The following SORBS2 variants were observed in gnomAD, a reference collection of about 807,000 sequenced individuals.
SORBS2 encodes sorbin and SH3 domain containing 2, also known as sorbin and SH3 domain-containing protein 2.
SORBS2 carries 46 observed loss-of-function variants against 97.7 expected under a neutral mutation model. The observed-to-expected ratio is 0.47, with a 90% CI of 0.37 to 0.60. The LOEUF (loss-of-function observed/expected upper bound fraction) is 0.60. Ranked by LOEUF, SORBS2 falls within the 20% of genes least tolerant of loss-of-function variation. The pLI, the probability that SORBS2 is intolerant of heterozygous loss-of-function variation, is 0.00. For synonymous variants in SORBS2, 476 were observed against 473.4 expected (o/e 1.01, Z -0.07); for missense variants, 1,316 against 1,282.3 (o/e 1.03, Z -0.40).
At chr4:185,720,266 T>C (rs2098501870) in intron 2 of SORBS2, among the ~76,000 whole-genome samples, 1 of 152,242 alleles carries the variant, frequency 6.6e-6, no homozygotes. Context: ...TTTGAATCTC[T>C]GTAACGGCAG....
intron 1 of SORBS2, among the ~76,000 whole-genome samples, chr4:185,930,410 T>C (rs1319362156): frequency 4.6e-5 from 7 of 152,106 alleles, no homozygotes; most frequent in Admixed American, 4.6e-4. Flanking sequence ...TTCTCCTGCC[T>C]CAGCCTCCCG....
chr4:185,927,584 T>C (rs1469399253), intron 1 of SORBS2, among the ~76,000 whole-genome samples: 2 of 152,188 alleles, frequency 1.3e-5, no homozygotes, highest in African/African-American at 4.8e-5. Context: ...ACTCAGTTCT[T>C]AACCAAAGGC....
In SORBS2 at chr4:185,915,274, A is replaced by G. The variant is rs541242383; in HGVS notation, c.-338+40922T>C. On this transcript the variant is annotated intron_variant, in intron 1 of 20. Coordinates refer to the SORBS2 transcript ENST00000284776. ...TTTTGAAGCAACTTTTACTGTCCTC[A>G]GTTTTATCTCATAGAAGCCTCCCTC... Among the ~76,000 whole-genome samples the G allele has an allele frequency of 2.0e-5, 3 of 152,336 alleles. No individual in the cohort carries two copies. The East Asian group carries it at 5.8e-4, about 29-fold the overall frequency.
Position 185,704,697 on chromosome 4 carries a change from CTCCCTCA to C in SORBS2, c.-197-25882_-197-25876del, listed in dbSNP as rs1356829565. Among the ~76,000 whole-genome samples the C allele has an allele frequency of 1.5e-3, 233 of 152,218 alleles. 2 individuals are homozygous for C. Among genetic ancestry groups the C allele is most frequent in the African/African-American group, 5.4e-3 (222 of 41,478 alleles). Reference sequence around the variant, plus strand: ...CCACAAATTACCCTGGATGTTCCCTCTCCCTCAACTCTCCATGTTTTGAGAAATAAGA... The same window carrying C: ...CCACAAATTACCCTGGATGTTCCCTCACTCTCCATGTTTTGAGAAATAAGA... On this transcript the variant is annotated intron_variant, in intron 2 of 20. Coordinates refer to the SORBS2 transcript ENST00000284776.
At chr4:185,914,787 G>A (rs1217454452) in intron 1 of SORBS2, among the ~76,000 whole-genome samples, 7 of 152,194 alleles carry the variant, frequency 4.6e-5, no homozygotes, top group Admixed American at 4.6e-4. Context: ...CCCTCTTCCT[G>A]TCTCGGCATC....
At chr4:185,952,811 T>C (rs1458393805) in intron 1 of SORBS2, among the ~76,000 whole-genome samples, 1 of 152,174 alleles carries the variant, frequency 6.6e-6, no homozygotes, top group Non-Finnish European at 1.5e-5. Flanking sequence ...TCCTCTAGTT[T>C]ATTCCCCTTC....
At chr4:185,743,202 C>T (rs2098738152) in intron 2 of SORBS2, among the ~76,000 whole-genome samples, 1 of 152,022 alleles carries the variant, frequency 6.6e-6, no homozygotes, top group Non-Finnish European at 1.5e-5. Flanking sequence ...TTCGTGGCAT[C>T]CTAGTGAGGC....
chr4:185,841,670 C>T (rs2153677751), intron 1 of SORBS2, among the ~76,000 whole-genome samples: 1 of 152,326 alleles, frequency 6.6e-6, no homozygotes, highest in East Asian at 1.9e-4. Context: ...GCACAATCTC[C>T]TGAGAATCTC....
At chr4:185,635,101 C>A (rs1288567272) in intron 4 of SORBS2, among the ~76,000 whole-genome samples, 1 of 152,076 alleles carries the variant, frequency 6.6e-6, no homozygotes, top group Non-Finnish European at 1.5e-5. Flanking sequence ...CTGCTGAATA[C>A]CAGAACTACA....
intron 1 of SORBS2, among the ~76,000 whole-genome samples, chr4:185,893,992 T>G (rs1227459202): frequency 6.6e-6 from 1 of 152,100 alleles, no homozygotes; most frequent in African/African-American, 2.4e-5. Context: ...GCATGGTCTG[T>G]CTACCTCCCG....
At position 185,880,738 on chromosome 4, in the gene SORBS2, A is replaced by C. The variant is rs150559748; in HGVS notation, c.-338+75458T>G. ...CTTTCCTCTCCTGCCAGGCTTTCAAAGTACGGAAAAGCAAACAGAACAGAA... is the reference window on the plus strand; with the variant it reads ...CTTTCCTCTCCTGCCAGGCTTTCAACGTACGGAAAAGCAAACAGAACAGAA... On this transcript the variant is annotated intron_variant, in intron 1 of 20. Transcript: ENST00000284776. 1.3e-3 allele frequency among the ~76,000 whole-genome samples: 199 copies of C among 152,360 alleles called. 2 individuals are homozygous for C. The highest frequency in any genetic ancestry group is 4.4e-3 in the African/African-American group (185 of 41,580).
At chr4:185,589,736 G>A (rs1192719852) in exon 14 of SORBS2, 5 of 1,613,162 alleles carry the variant, frequency 3.1e-6, no homozygotes, top group Admixed American at 1.7e-5. Flanking sequence ...CTTTCTCTGA[G>A]CTCCAGCTCA....
intron 12 of SORBS2, among the ~76,000 whole-genome samples, chr4:185,605,087 T>C (rs933734742): frequency 6.6e-6 from 1 of 152,224 alleles, no homozygotes; most frequent in Non-Finnish European, 1.5e-5. Flanking sequence ...CAATGAATTA[T>C]CTATCTGTTA....
intron 1 of SORBS2, among the ~76,000 whole-genome samples, chr4:185,879,501 G>C (rs2149772055): frequency 6.6e-6 from 1 of 152,244 alleles, no homozygotes; most frequent in Admixed American, 6.5e-5. Flanking sequence ...TGTCTTTATA[G>C]CAGCATGATT....
chr4:185,605,386 A>C (rs1241406816), intron 12 of SORBS2, among the ~76,000 whole-genome samples: 1 of 152,136 alleles, frequency 6.6e-6, no homozygotes, highest in East Asian at 1.9e-4. Context: ...GGTTTGAAGC[A>C]GTTCTCCTGC....
intron 8 of SORBS2, 145 bp from the exon 21 acceptor site, chr4:185,618,776 G>A: frequency 2.2e-6 from 1 of 455,434 alleles, no homozygotes; most frequent in Non-Finnish European, 4.0e-6. Flanking sequence ...TTATAAATAA[G>A]TCCATTCATT....
chr4:185,887,041 G>A (rs778404477), intron 1 of SORBS2, among the ~76,000 whole-genome samples: 2 of 152,190 alleles, frequency 1.3e-5, no homozygotes, highest in Non-Finnish European at 2.9e-5. Context: ...TGAGAGGTGA[G>A]GCTGGCTTTG....
chr4:185,855,233 G>T lies in SORBS2; in HGVS notation c.-337-79867C>A, dbSNP rs79822904. Among the ~76,000 whole-genome samples, 1,408 of 152,170 alleles carry T rather than the reference G, an allele frequency of 9.3e-3. 28 individuals are homozygous for T. Among genetic ancestry groups the T allele is most frequent in the African/African-American group, 0.032 (1,319 of 41,494 alleles). On this transcript the variant is annotated intron_variant, in intron 1 of 20. Coordinates refer to the SORBS2 transcript ENST00000284776. ...AAGTGAGGCCTTCCCCTCTGAAGGC[G>T]TCAGGTTTATGAAGAGTTCATTTGA...
intron 6 of SORBS2, among the ~76,000 whole-genome samples, chr4:185,625,315 C>T (rs2096792516): frequency 6.6e-6 from 1 of 152,094 alleles, no homozygotes; most frequent in African/African-American, 2.4e-5. Context: ...CTACATTTGG[C>T]CTCAATTTTG....
Sources: gnomAD v4.1 joint callset for allele counts (sites outside exome capture counted in the v4.1 genomes callset) on GRCh38, gnomAD v4.1.1 for gene constraint, MANE v1.5 for transcripts, NCBI Gene and HGNC (gene_info 2026-07-23, HGNC 2026-07-21) for gene names.